The following NIPA1 variants were observed in gnomAD, a reference collection of about 807,000 sequenced individuals.
NIPA1 encodes NIPA magnesium transporter 1, also known as magnesium transporter NIPA1.
NIPA1 carries 13 observed loss-of-function variants against 23.9 expected under a neutral mutation model. That is an observed-to-expected ratio of 0.54 (90% CI 0.35 to 0.87). The LOEUF (loss-of-function observed/expected upper bound fraction) is 0.87. Ranked by LOEUF, NIPA1 falls within the 40% of genes least tolerant of loss-of-function variation. The pLI is 0.01. For synonymous variants in NIPA1, 234 were observed against 202.9 expected, an observed-to-expected ratio of 1.15 and a Z score of -1.30; for missense variants, 362 against 429.7, an observed-to-expected ratio of 0.84 and a Z score of 1.39.
chr15:22,797,845 CG>C (rs1158805754), intron 1 of NIPA1, among the ~76,000 whole-genome samples: 6,534 of 135,328 alleles, frequency 0.048, 475 homozygotes, highest in African/African-American at 0.18. Flanking sequence ...ATTTCAAAAC[CG>C]ATTTTTTTTT....
chr15:22,787,636 TGCAGGATATG>T (rs1263220010), intron 1 of NIPA1, among the ~76,000 whole-genome samples: 7 of 152,182 alleles, frequency 4.6e-5, no homozygotes, highest in African/African-American at 1.7e-4. Flanking sequence ...GGTTTGCCAA[TGCAGGATATG>T]GCAGGCTGTG....
In NIPA1 at chr15:22,829,476, G is replaced by C. The variant is rs74003089; in HGVS notation, c.*5237G>C. On this transcript the variant is annotated 3_prime_UTR_variant, in exon 5 of 5. Coordinates refer to ENST00000337435, the MANE Select transcript of NIPA1 (RefSeq NM_144599.5). ...TTTAGATACTGTTTTTCAGTGGCTTGAGCGTTTTGCCTTTTCAAAGGATAA... is the reference window on the plus strand; with the variant it reads ...TTTAGATACTGTTTTTCAGTGGCTTCAGCGTTTTGCCTTTTCAAAGGATAA... The C allele has an allele frequency of 3.1e-3, 471 of 152,494 alleles. 2 individuals carry two copies. Among genetic ancestry groups the C allele is most frequent in the African/African-American group, 0.011 (448 of 41,546 alleles). The allele number at this position is 152,494 out of a possible 1,614,324, so 9.4% of individuals were successfully genotyped here.
At chr15:22,806,750 G>A (rs1478863872) in intron 1 of NIPA1, among the ~76,000 whole-genome samples, 12 of 152,104 alleles carry the variant, frequency 7.9e-5, no homozygotes, top group East Asian at 1.9e-4. Context: ...TCTGTATGAC[G>A]GGCCAAGGGC....
In NIPA1 at chr15:22,788,893, C is replaced by T. The variant is rs534905572; in HGVS notation, c.178+2059C>T. The stretch of plus-strand genomic sequence containing the variant: ...AAAATTGTGCCATTGCACTCCAGCC[C>T]GAGCGAGAAGAACAAGGCTCTGTCT... On this transcript the variant is annotated intron_variant, in intron 1 of 4. Coordinates refer to ENST00000337435, the MANE Select transcript of NIPA1 (RefSeq NM_144599.5). 1.1e-4 allele frequency among the ~76,000 whole-genome samples: 11 copies of T among 97,470 alleles called. No individual in the cohort carries two copies. The East Asian group carries it at 2.1e-3, about 19-fold the overall frequency. The allele number at this position is 97,470 out of a possible 152,430, so 63.9% of individuals were successfully genotyped here.
intron 3 of NIPA1, among the ~76,000 whole-genome samples, chr15:22,817,186 CAAAAAAA>C (rs894814701): frequency 4.9e-5 from 3 of 61,084 alleles, no homozygotes; most frequent in Admixed American, 2.1e-4. Flanking sequence ...GACTCTGTCT[CAAAAAAA>C]AAAAAAAAAA....
intron 1 of NIPA1, among the ~76,000 whole-genome samples, chr15:22,801,729 C>T (rs538508814): frequency 2.0e-5 from 3 of 152,050 alleles, no homozygotes; most frequent in African/African-American, 7.2e-5. Flanking sequence ...ATTGGCCAGG[C>T]TGGTCTCGAA....
chr15:22,800,292 A>C (rs1453206547), intron 1 of NIPA1, among the ~76,000 whole-genome samples: 1 of 152,148 alleles, frequency 6.6e-6, no homozygotes, highest in Non-Finnish European at 1.5e-5. Flanking sequence ...TTTCATCTGC[A>C]TATTGCCACG....
At chr15:22,819,079 T>C (rs1895481876) in intron 3 of NIPA1, among the ~76,000 whole-genome samples, 1 of 152,126 alleles carries the variant, frequency 6.6e-6, no homozygotes, top group South Asian at 2.1e-4. Context: ...TTTCTTTCAG[T>C]GATGTTGCTT....
rs538778816 is a variant in NIPA1, at chr15:22,817,194, A to T, written c.318-3119A>T. On this transcript the variant is annotated intron_variant, in intron 3 of 4. Coordinates refer to ENST00000337435, the MANE Select transcript of NIPA1 (RefSeq NM_144599.5). ...AGAGTGAGACTCTGTCTCAAAAAAA[A>T]AAAAAAAAAAAAAAAATTACATCTG... Among the ~76,000 whole-genome samples, 367 of 147,730 alleles carry T rather than the reference A, an allele frequency of 2.5e-3. 2 individuals carry two copies. Among genetic ancestry groups the T allele is most frequent in the African/African-American group, 8.5e-3 (336 of 39,606 alleles).
At chr15:22,794,919 A>G (rs1052794613) in intron 1 of NIPA1, among the ~76,000 whole-genome samples, 1 of 151,950 alleles carries the variant, frequency 6.6e-6, no homozygotes, top group African/African-American at 2.4e-5. Context: ...ATGATGGCCT[A>G]TTCACTCATT....
At chr15:22,788,307 CTGG>C (rs386781857) in intron 1 of NIPA1, among the ~76,000 whole-genome samples, 1 of 151,746 alleles carries the variant, frequency 6.6e-6, no homozygotes, top group Non-Finnish European at 1.5e-5. Context: ...CTAGACCATC[CTGG>C]CTAACACGAC....
Position 22,812,019 on chromosome 15 carries a change from C to T in NIPA1, c.227-144C>T, listed in dbSNP as rs901038181. ...CCTGACCCCTGACCCCTTAAATGTG[C>T]AGATGACACCCCAGATGTGATTCTT... On this transcript the variant is annotated intron_variant, in intron 2 of 4. Coordinates refer to ENST00000337435, the MANE Select transcript of NIPA1 (RefSeq NM_144599.5). 8.5e-6 allele frequency: 6 copies of T among 705,042 alleles called. No homozygotes were observed. In the Admixed American group the frequency reaches 1.2e-4, roughly 15 times the overall value. 43.7% of individuals were successfully genotyped at this position (705,042 alleles called of 1,614,324 possible). A position where few individuals can be genotyped will look rare whatever the true frequency, so the allele number is the denominator to read the frequency against.
At chr15:22,820,510 C>T (rs1486399352) in intron 4 of NIPA1, 37 bp downstream of exon 4, 1 of 1,570,080 alleles carries the variant, frequency 6.4e-7, no homozygotes, top group African/African-American at 1.3e-5. Flanking sequence ...AGAAAGTTTG[C>T]AGTAGGAGTG....
chr15:22,799,575 G>T (rs1895021626), intron 1 of NIPA1, among the ~76,000 whole-genome samples: 1 of 152,006 alleles, frequency 6.6e-6, no homozygotes, highest in South Asian at 2.1e-4. Flanking sequence ...GAGGTCAGGA[G>T]ATCGAGACCA....
At chr15:22,820,980 CTT>C (rs34707760) in intron 4 of NIPA1, among the ~76,000 whole-genome samples, 21 of 140,340 alleles carry the variant, frequency 1.5e-4, no homozygotes, top group Non-Finnish European at 9.2e-5. Flanking sequence ...CTTTTCTTTT[CTT>C]TTTTTTTTTT....
Position 22,823,751 on chromosome 15 carries a change from G to A in NIPA1, c.502G>A (p.Val168Met), listed in dbSNP as rs761465310. ...NPVFVGYLCI[V>M]LLMLLLLIFW... ...AGTGTTTGTGGGCTACCTGTGCATC[G>A]TGCTGCTCATGCTGCTGCTGCTCAT... Residue 168 changes from valine to methionine, a missense_variant, in exon 5 of 5, where the codon GTG (valine) becomes ATG (methionine). Around this residue, in one of 2 missense-constraint regions of NIPA1, gnomAD observed 277 missense variants for 372.0 expected, o/e 0.74. Transcript: ENST00000337435. 14 of 1,610,836 alleles carry A rather than the reference G, an allele frequency of 8.7e-6. No individual in the cohort carries two copies. The highest frequency in any genetic ancestry group is 3.3e-5 in the Admixed American group (2 of 59,814).
intron 3 of NIPA1, among the ~76,000 whole-genome samples, chr15:22,816,043 G>T (rs1026184635): frequency 2.6e-5 from 4 of 152,010 alleles, no homozygotes; most frequent in African/African-American, 9.7e-5. Flanking sequence ...AAAATAAGCT[G>T]CCTACTTTCA....
intron 4 of NIPA1, among the ~76,000 whole-genome samples, chr15:22,823,489 C>A (rs61656257): frequency 6.6e-6 from 1 of 152,018 alleles, no homozygotes; most frequent in Non-Finnish European, 1.5e-5. Flanking sequence ...CATGAGCCAC[C>A]GCGTCTGGCT....
chr15:22,819,986 G>C (rs116480830), intron 3 of NIPA1, among the ~76,000 whole-genome samples: 1,993 of 152,272 alleles, frequency 0.013, 40 homozygotes, highest in African/African-American at 0.04. Flanking sequence ...TTGAGCCCAG[G>C]AGTTTGAGAC....
Sources: gnomAD v4.1 joint callset for allele counts (sites outside exome capture counted in the v4.1 genomes callset) on GRCh38, gnomAD v4.1.1 for gene constraint, gnomAD v4.1.1 regional missense constraint, MANE v1.5 for transcripts, NCBI Gene and HGNC (gene_info 2026-07-23, HGNC 2026-07-21) for gene names.